INSL6: variants seen among roughly 807,000 people sequenced by gnomAD.
INSL6 encodes the protein insulin like 6, also known as insulin-like peptide INSL6.
A neutral mutation model predicts 9.4 loss-of-function variants in INSL6; 16 were observed. The observed-to-expected ratio is 1.70, with a 90% CI of 1.15 to 2.59. The LOEUF (loss-of-function observed/expected upper bound fraction) is 2.59, where lower values mean the gene tolerates loss of function less well. Among genes scored for constraint, INSL6 ranks in the 30% most tolerant of loss-of-function variants. The pLI is 0.00. For synonymous variants in INSL6, 154 were observed against 96.9 expected, an observed-to-expected ratio of 1.59 and a Z score of -3.46; for missense variants, 391 against 257.3, an observed-to-expected ratio of 1.52 and a Z score of -3.56.
At chr9:5,076,719 T>C in the INSL6 span, among the ~76,000 whole-genome samples, 3 of 152,140 alleles carry the variant, frequency 2.0e-5, no homozygotes, top group African/African-American at 7.2e-5. Flanking sequence ...AAGAAAATTG[T>C]TTATATAATT....
the INSL6 span, among the ~76,000 whole-genome samples, chr9:5,030,517 G>C: frequency 6.6e-6 from 1 of 152,032 alleles, no homozygotes; most frequent in Admixed American, 6.5e-5. Context: ...ACTTCATGAG[G>C]TGTTAAGATT....
intron 1 of INSL6, among the ~76,000 whole-genome samples, chr9:5,171,530 G>C (rs1034554373): frequency 1.3e-5 from 2 of 152,190 alleles, no homozygotes; most frequent in African/African-American, 4.8e-5. Context: ...TAGGAAGAGA[G>C]GAAGCCAAAT....
chr9:5,087,486 G>T, the INSL6 span, among the ~76,000 whole-genome samples: 1 of 47,038 alleles, frequency 2.1e-5, no homozygotes, highest in Non-Finnish European at 3.5e-5. Context: ...TCCCTTACTT[G>T]ATTTCTTTCC....
intron 1 of INSL6, among the ~76,000 whole-genome samples, chr9:5,177,593 G>A (rs1378687311): frequency 6.6e-6 from 1 of 152,222 alleles, no homozygotes; most frequent in East Asian, 1.9e-4. Context: ...AAGGAAGGGG[G>A]CTGAATCCAG....
At chr9:5,150,662 A>T (rs1824692493) in intron 2 of INSL6, among the ~76,000 whole-genome samples, 1 of 152,158 alleles carries the variant, frequency 6.6e-6, no homozygotes, top group Admixed American at 6.5e-5. Context: ...TAGTATGAAG[A>T]CTTCCCAGAA....
intron 2 of INSL6, chr9:5,133,642 G>C (rs112463419): frequency 2.4e-4 from 37 of 152,064 alleles, no homozygotes; most frequent in African/African-American, 8.7e-4. Flanking sequence ...AAACAGAAAG[G>C]AACAGTATCA....
At chr9:5,172,709 C>T (rs1825211562) in intron 1 of INSL6, among the ~76,000 whole-genome samples, 2 of 152,080 alleles carry the variant, frequency 1.3e-5, no homozygotes, top group African/African-American at 4.8e-5. Flanking sequence ...TGGGCAGATA[C>T]CTGAGGTCAG....
downstream of INSL6, among the ~76,000 whole-genome samples, chr9:5,123,281 TTAAA>T (rs1337652970): frequency 1.3e-5 from 2 of 151,998 alleles, no homozygotes; most frequent in Admixed American, 1.3e-4. Context: ...ATTGTATCCC[TTAAA>T]TAATTTCTCA....
chr9:5,097,839 T>C, the INSL6 span: 176 of 152,352 alleles, frequency 1.2e-3, no homozygotes, highest in African/African-American at 4.0e-3. Flanking sequence ...TAGGAGGCTT[T>C]ACCACTGGTT....
At chr9:5,019,668 T>C in the INSL6 span, among the ~76,000 whole-genome samples, 1 of 152,216 alleles carries the variant, frequency 6.6e-6, no homozygotes, top group Non-Finnish European at 1.5e-5. Context: ...ATCACTTCCA[T>C]TTTTTTGAAT....
chr9:5,032,696 G>A, the INSL6 span, among the ~76,000 whole-genome samples: 1 of 152,204 alleles, frequency 6.6e-6, no homozygotes, highest in African/African-American at 2.4e-5. Context: ...CTGACTGTCA[G>A]AAGGAAAACT....
intron 1 of INSL6, among the ~76,000 whole-genome samples, chr9:5,179,340 T>G (rs966601379): frequency 6.6e-6 from 1 of 152,122 alleles, no homozygotes; most frequent in Non-Finnish European, 1.5e-5. Flanking sequence ...ATGGCTATTA[T>G]TAAAGCTAAA....
chr9:5,127,876 G>C (rs1824100259), intron 3 of INSL6: 1 of 232,178 alleles, frequency 4.3e-6, no homozygotes, highest in African/African-American at 2.2e-5. Flanking sequence ...CTTTTTAGAG[G>C]GGAAATGAGG....
chr9:5,066,091 A>G, the INSL6 span, among the ~76,000 whole-genome samples: 19 of 152,154 alleles, frequency 1.2e-4, no homozygotes, highest in African/African-American at 3.4e-4. Context: ...TTTGTATATT[A>G]GAAATATGGT....
chr9:5,182,671 A>G (rs1349357898), intron 1 of INSL6, among the ~76,000 whole-genome samples: 1 of 152,172 alleles, frequency 6.6e-6, no homozygotes, highest in Non-Finnish European at 1.5e-5. Flanking sequence ...AGAATATGTG[A>G]CATGAAGACT....
At chr9:5,012,595 G>A in the INSL6 span, among the ~76,000 whole-genome samples, 2 of 152,116 alleles carry the variant, frequency 1.3e-5, no homozygotes, top group African/African-American at 2.4e-5. Context: ...TATACCGTAT[G>A]TATAATAAAA....
chr9:5,150,509 T>G (rs1824688437), intron 2 of INSL6, among the ~76,000 whole-genome samples: 1 of 152,034 alleles, frequency 6.6e-6, no homozygotes, highest in East Asian at 1.9e-4. Context: ...AAAAACAAGT[T>G]GAAACTACAA....
the INSL6 span, chr9:5,112,079 G>C: frequency 2.6e-6 from 1 of 385,488 alleles, no homozygotes; most frequent in Non-Finnish European, 5.2e-6. Flanking sequence ...TGGAGAGTAA[G>C]ATAGAAGACC....
chr9:5,105,710 A>C, the INSL6 span, among the ~76,000 whole-genome samples: 1 of 152,196 alleles, frequency 6.6e-6, no homozygotes, highest in East Asian at 1.9e-4. Flanking sequence ...CTGCTACCCA[A>C]ACAGAGATAG....
Sources: allele counts gnomAD v4.1 joint callset (sites outside exome capture counted in the v4.1 genomes callset), GRCh38; gene constraint gnomAD v4.1.1; transcripts MANE v1.5; gene names NCBI Gene and HGNC (gene_info 2026-07-23, HGNC 2026-07-21).